PCCB: variants seen among roughly 807,000 people sequenced by gnomAD.
PCCB encodes propionyl-CoA carboxylase beta chain, mitochondrial.
PCCB carries 43 observed loss-of-function variants against 60.7 expected under a neutral mutation model. That is an observed-to-expected ratio of 0.71 (90% confidence interval 0.55 to 0.91). The LOEUF is 0.91. PCCB is among the 40% of genes least tolerant of loss of function. PCCB has a pLI of 0.00. For synonymous variants in PCCB, 276 were observed against 255.9 expected (o/e 1.08, Z -0.75); for missense variants, 766 against 702.8 (o/e 1.09, Z -1.02).
intron 1 of PCCB, 57 bp from the exon 2 acceptor site, chr3:136,255,799 C>G: frequency 6.6e-7 from 1 of 1,517,084 alleles, no homozygotes; most frequent in Non-Finnish European, 9.2e-7. Context: ...ACAGCCCTTG[C>G]TTTGCTTACT....
chr3:136,319,977 G>C (rs1935054114), intron 10 of PCCB, among the ~76,000 whole-genome samples: 1 of 152,154 alleles, frequency 6.6e-6, no homozygotes, highest in Non-Finnish European at 1.5e-5. Context: ...CATTGAACAG[G>C]TGTGGCGTGC....
At chr3:136,318,936 CA>C (rs1230394248) in intron 10 of PCCB, among the ~76,000 whole-genome samples, 1 of 152,088 alleles carries the variant, frequency 6.6e-6, no homozygotes, top group Non-Finnish European at 1.5e-5. Flanking sequence ...TACCCAGAAG[CA>C]AAATAACTGG....
At chr3:136,260,054 CTTTTT>C (rs912493653) in intron 3 of PCCB, 6 of 259,886 alleles carry the variant, frequency 2.3e-5, no homozygotes, top group African/African-American at 7.1e-5. Flanking sequence ...GCCCGGGCAA[CTTTTT>C]TTGTTTTGTT....
chr3:136,313,815 A>G (rs1463194021), intron 9 of PCCB, among the ~76,000 whole-genome samples: 1 of 152,228 alleles, frequency 6.6e-6, no homozygotes, highest in Admixed American at 6.5e-5. Flanking sequence ...CTAAGTTAGC[A>G]GTTCTGAAAC....
intron 7 of PCCB, among the ~76,000 whole-genome samples, chr3:136,297,493 G>C (rs1033057605): frequency 1.3e-5 from 2 of 152,128 alleles, no homozygotes; most frequent in Non-Finnish European, 2.9e-5. Context: ...CACTGTTGCT[G>C]TGCACCTGTT....
rs993193093 is a variant in PCCB, at chr3:136,300,277, A to G, written c.885-753A>G. The stretch of plus-strand genomic sequence containing the variant: ...AGAGCTTTTTGCGAAGTTGGGCTTG[A>G]TGGACACATGGCCTGACCCAAGGCC... On this transcript the variant is annotated intron_variant, in intron 8 of 14. Coordinates refer to ENST00000251654, the MANE Select transcript of PCCB (RefSeq NM_000532.5). Among the ~76,000 whole-genome samples, 5 of 152,288 alleles carry G rather than the reference A, an allele frequency of 3.3e-5. No individual in the cohort carries two copies. In the South Asian group the frequency reaches 6.2e-4, roughly 19 times the overall value.
chr3:136,292,781 T>C (rs994719898), intron 6 of PCCB, among the ~76,000 whole-genome samples: 12 of 152,066 alleles, frequency 7.9e-5, no homozygotes, highest in Non-Finnish European at 1.5e-4. Flanking sequence ...GGCAAATATA[T>C]ATATAAATGC....
chr3:136,299,752 A>G (rs1453541544), intron 8 of PCCB, among the ~76,000 whole-genome samples: 2 of 148,722 alleles, frequency 1.3e-5, no homozygotes, highest in African/African-American at 2.5e-5. Flanking sequence ...ATAGGTATGC[A>G]TGTGTGTGTA....
intron 8 of PCCB, among the ~76,000 whole-genome samples, chr3:136,299,355 C>T (rs961708858): frequency 7.9e-5 from 12 of 151,812 alleles, no homozygotes; most frequent in African/African-American, 2.7e-4. Context: ...CACATGCATA[C>T]ATATGCATGC....
intron 3 of PCCB, 39 bp from the exon 4 acceptor site, chr3:136,260,440 T>TCA: frequency 6.5e-6 from 10 of 1,544,834 alleles, no homozygotes; most frequent in Non-Finnish European, 8.9e-6. Flanking sequence ...CTCTAGCCAG[T>TCA]CACTATATTT....
chr3:136,275,896 G>T (rs1396037991), intron 5 of PCCB, among the ~76,000 whole-genome samples: 2 of 152,024 alleles, frequency 1.3e-5, no homozygotes, highest in African/African-American at 4.8e-5. Context: ...TCAGCTTCCC[G>T]AGTAGCTGGG....
At chr3:136,289,904 A>G (rs909553311) in intron 6 of PCCB, among the ~76,000 whole-genome samples, 2 of 152,042 alleles carry the variant, frequency 1.3e-5, no homozygotes, top group Admixed American at 6.5e-5. Flanking sequence ...GTACCTTATA[A>G]TAGCAAAATC....
At chr3:136,306,258 G>T (rs1934448497) in intron 9 of PCCB, among the ~76,000 whole-genome samples, 1 of 122,864 alleles carries the variant, frequency 8.1e-6, no homozygotes, top group South Asian at 3.1e-4. Context: ...CAATCTGAGT[G>T]CAGTAGCCCC....
At chr3:136,298,633 G>C (rs567947202) in intron 8 of PCCB, among the ~76,000 whole-genome samples, 13 of 152,312 alleles carry the variant, frequency 8.5e-5, no homozygotes, top group African/African-American at 2.9e-4. Context: ...TCCTGGGGAA[G>C]GGTGTGTTGC....
intron 3 of PCCB, among the ~76,000 whole-genome samples, chr3:136,258,075 ATTTGT>A (rs1488959411): frequency 2.6e-5 from 4 of 151,968 alleles, no homozygotes; most frequent in Admixed American, 1.3e-4. Context: ...AAGGAATCAC[ATTTGT>A]TTTGTGCAAT....
At chr3:136,294,099 C>T (rs1466767581) in intron 7 of PCCB, among the ~76,000 whole-genome samples, 1 of 151,962 alleles carries the variant, frequency 6.6e-6, no homozygotes, top group Non-Finnish European at 1.5e-5. Context: ...CTTGGTTATT[C>T]TTTAAAACAA....
chr3:136,261,453 C>T (rs1478979887), intron 4 of PCCB, among the ~76,000 whole-genome samples: 1 of 152,162 alleles, frequency 6.6e-6, no homozygotes, highest in Non-Finnish European at 1.5e-5. Flanking sequence ...CTGTCAAGGA[C>T]TGTAGGAATA....
chr3:136,299,813 T>A lies in PCCB; in HGVS notation c.885-1217T>A, dbSNP rs1299741194. 3.4e-5 allele frequency among the ~76,000 whole-genome samples: 5 copies of A among 149,018 alleles called. No homozygotes were observed. In the East Asian group the frequency reaches 8.3e-4, roughly 25 times the overall value. On this transcript the variant is annotated intron_variant, in intron 8 of 14. Coordinates refer to ENST00000251654, the MANE Select transcript of PCCB (RefSeq NM_000532.5). The stretch of plus-strand genomic sequence containing the variant: ...GTATATGCATGTGTATGTATAGGTA[T>A]GCATGTGTATGTATGTATATGCATG...
intron 9 of PCCB, among the ~76,000 whole-genome samples, chr3:136,301,333 A>G (rs529862256): frequency 6.6e-6 from 1 of 152,126 alleles, no homozygotes; most frequent in South Asian, 2.1e-4. Flanking sequence ...AGGGCTGGAG[A>G]TAGGAGTAGT....
Sources: allele counts gnomAD v4.1 joint callset (sites outside exome capture counted in the v4.1 genomes callset), GRCh38; gene constraint gnomAD v4.1.1; transcripts MANE v1.5; gene names NCBI Gene and HGNC (gene_info 2026-07-23, HGNC 2026-07-21).